LYSMD4: variants seen among roughly 807,000 people sequenced by gnomAD.
LYSMD4 encodes the protein lysM and putative peptidoglycan-binding domain-containing protein 4.
In LYSMD4, 9 loss-of-function variants were observed where a neutral mutation model predicts 6.1. The observed-to-expected ratio is 1.47, with a 90% CI of 0.88 to 2.56. The LOEUF (loss-of-function observed/expected upper bound fraction) is 2.56, where lower values mean the gene tolerates loss of function less well. Ranked by LOEUF, LYSMD4 falls within the 30% of genes most tolerant of loss-of-function variation. LYSMD4 has a pLI of 0.00. For synonymous variants in LYSMD4, 143 were observed against 148.5 expected (o/e 0.96, Z 0.27); for missense variants, 384 against 373.5 (o/e 1.03, Z -0.23).
intron 2 of LYSMD4, chr15:99,731,325 GA>G: frequency 6.2e-7 from 1 of 1,606,044 alleles, no homozygotes; most frequent in Non-Finnish European, 8.5e-7. Context: ...GAAAGGTTCA[GA>G]AAAATAAGAG....
intron 2 of LYSMD4, chr15:99,731,216 G>A (rs774042091): frequency 3.7e-6 from 6 of 1,611,798 alleles, no homozygotes; most frequent in Middle Eastern, 1.7e-4. Flanking sequence ...CATAATTAGA[G>A]AAAAACAGGG....
At position 99,729,194 on chromosome 15, in the gene LYSMD4, G is replaced by T. The variant is rs769660029; in HGVS notation, c.820C>A (p.Leu274Ile). Reference sequence around the variant, plus strand: ...GTGACGGCTGGCACTGCAACTGCTAGTCTGGGGGCTTGCCCTGGAACTGTA... The same window carrying T: ...GTGACGGCTGGCACTGCAACTGCTATTCTGGGGGCTTGCCCTGGAACTGTA... ...MGTVPGQAPR[L>I]AVAVPAVTSA... is the part of the protein sequence containing the mutation. The change falls in exon 3 of 3, where the codon CTA becomes ATA. Residue 274 changes from leucine to isoleucine, a missense_variant. Leu to Ile is a conservative substitution (Grantham distance 5). Coordinates refer to ENST00000684762, the MANE Select transcript of LYSMD4 (RefSeq NM_001284417.2). The T allele has an allele frequency of 1.9e-6, 3 of 1,614,140 alleles. No individual in the cohort carries two copies. In the African/African-American group the frequency reaches 4.0e-5, roughly 22 times the overall value.
chr15:99,731,592 C>T (rs1268078876), intron 2 of LYSMD4, 126 bp downstream of exon 2: 1 of 1,524,424 alleles, frequency 6.6e-7, no homozygotes, highest in Non-Finnish European at 8.8e-7. Flanking sequence ...GAGTCCTTGG[C>T]TGCTACAGCA....
chr15:99,726,832 T>C (rs1437431609), downstream of LYSMD4, among the ~76,000 whole-genome samples: 1 of 152,180 alleles, frequency 6.6e-6, no homozygotes, highest in East Asian at 1.9e-4. Context: ...GGAAGTATCG[T>C]GGTTATTTCT....
rs150607972 is a variant in LYSMD4, at chr15:99,729,333, C to T, written c.681G>A (p.Leu227=). 10 of 1,614,114 alleles carry T rather than the reference C, an allele frequency of 6.2e-6. No individual in the cohort carries two copies. The highest frequency in any genetic ancestry group is 8.5e-6 in the Non-Finnish European group (10 of 1,180,056). ...QWWNAVFIML[L]IGIVLPVFYL... ...AAAAGACAGGCAAGACAATACCAAT[C>T]AGCAGCATGATGAAAACAGCATTCC... Residue 227 remains leucine, a synonymous_variant, in exon 3 of 3, where the codon CTG becomes CTA. Transcript: ENST00000684762.
intron 2 of LYSMD4, 30 bp from the exon 3 acceptor site, chr15:99,729,761 A>T (rs1439032587): frequency 1.3e-6 from 2 of 1,568,266 alleles, no homozygotes; most frequent in Admixed American, 3.7e-5. Context: ...AACATCATAA[A>T]ATATGCGGAG....
exon 1 of LYSMD4, chr15:99,716,757 T>C (rs1465257313): frequency 6.6e-6 from 3 of 452,938 alleles, no homozygotes; most frequent in Non-Finnish European, 1.3e-5. Flanking sequence ...GGGCCTAATC[T>C]GGCTGTTGCA....
At position 99,733,353 on chromosome 15, in the gene LYSMD4, C is replaced by T; in HGVS notation, c.-17G>A. On this transcript the variant is annotated 5_prime_UTR_variant, in exon 1 of 3. Coordinates refer to ENST00000684762, the MANE Select transcript of LYSMD4 (RefSeq NM_001284417.2). ...CGTCCAGGCCCCGGTACCTCAGCGCCCAGGCTCCGCCGCGACCGGCGACCG... is the reference window on the plus strand; with the variant it reads ...CGTCCAGGCCCCGGTACCTCAGCGCTCAGGCTCCGCCGCGACCGGCGACCG... 1 of 394,408 alleles carries T rather than the reference C, an allele frequency of 2.5e-6. No individual in the cohort carries two copies. Among genetic ancestry groups the T allele is most frequent in the Non-Finnish European group, 4.5e-6 (1 of 223,260 alleles). The allele number at this position is 394,408 out of a possible 1,614,324, so 24.4% of individuals were successfully genotyped here.
intron 1 of LYSMD4, 135 bp from the exon 2 acceptor site, chr15:99,732,142 G>GA (rs998050802): frequency 8.5e-5 from 77 of 907,352 alleles, no homozygotes; most frequent in Middle Eastern, 3.6e-4. Context: ...ATCATCAACA[G>GA]AAAAAAAAGA....
In LYSMD4 at chr15:99,729,104, T is replaced by C. The variant is rs6598263; in HGVS notation, c.*19A>G. ...AACAGCCAATTGCTAAAGCTGGGCC[T>C]AGTCTTTAAAAACAAAGCTTAGCTC... On this transcript the variant is annotated 3_prime_UTR_variant, in exon 3 of 3. Transcript: ENST00000684762. 1 of 1,607,764 alleles carries C rather than the reference T, an allele frequency of 6.2e-7. No individual in the cohort carries two copies. The highest frequency in any genetic ancestry group is 1.1e-5 in the South Asian group (1 of 90,974).
rs1018836200 is a variant in LYSMD4 at position 99,729,310 on chromosome 15, AAGAC to A, written c.700_703del (p.Val234PhefsTer18). ...TTGTATTTTAAAGTAGACCAAATAAAAGACAGGCAAGACAATACCAATCAGCAGC... is the reference window on the plus strand; with the variant it reads ...TTGTATTTTAAAGTAGACCAAATAAAAGGCAAGACAATACCAATCAGCAGC... On this transcript the variant is annotated frameshift_variant, in exon 3 of 3. Coordinates refer to ENST00000684762, the MANE Select transcript of LYSMD4 (RefSeq NM_001284417.2). LOFTEE classifies it low-confidence loss of function (END_TRUNC). 6.2e-7 allele frequency: 1 copy of A among 1,614,040 alleles called. No homozygotes were observed. Among genetic ancestry groups the A allele is most frequent in the Admixed American group, 1.7e-5 (1 of 59,998 alleles).
In LYSMD4 at chr15:99,731,844, GC is replaced by G. The variant is rs776651427; in HGVS notation, c.155del (p.Gly52AlafsTer62). 6.8e-6 allele frequency: 11 copies of G among 1,613,252 alleles called. 1 individual carries two copies. In the South Asian group the frequency reaches 1.1e-4, roughly 16 times the overall value. ...GGACACCGCTCTTGTGGCGCTCCTT[GC>G]CCCGGGGCCGCAAAACCACACGGTG... is the stretch of plus-strand genomic sequence containing the variant. ...ESHRVVLRPR[G>X]KERHKSGVHQ... is the part of the protein sequence containing the mutation. On this transcript the variant is annotated frameshift_variant, in exon 2 of 3. Coordinates refer to ENST00000684762, the MANE Select transcript of LYSMD4 (RefSeq NM_001284417.2). LOFTEE classifies it high-confidence loss of function.
chr15:99,729,289 A>G lies in LYSMD4; in HGVS notation c.725T>C (p.Ile242Thr). Reference sequence around the variant, plus strand: ...ATTAGGGGTCTCACCACTAGCTTGTATTTTAAAGTAGACCAAATAAAAGAC... The same window carrying G: ...ATTAGGGGTCTCACCACTAGCTTGTGTTTTAAAGTAGACCAAATAAAAGAC... ...LPVFYLVYFK[I>T]QASGETPNSL... Residue 242 changes from isoleucine to threonine, a missense_variant, in exon 3 of 3, where the codon ATA becomes ACA. Physicochemically the swap from Ile to Thr is moderately conservative, Grantham distance 89. Transcript: ENST00000684762. 6.2e-7 allele frequency: 1 copy of G among 1,614,224 alleles called. No individual in the cohort carries two copies. The highest frequency in any genetic ancestry group is 8.5e-7 in the Non-Finnish European group (1 of 1,180,038).
rs113470119 is a variant in LYSMD4, at chr15:99,716,470, C to T, written c.328G>A (p.Val110Ile). The stretch of plus-strand genomic sequence containing the variant: ...TCTCCCGCACTCACTCCAGTAAAGA[C>T]GGACTGGCTCTTCCTGTGCGTCGAG... The change falls in exon 1 of 1, where the codon GTC becomes ATC. Residue 110 changes from valine (V) to isoleucine (I), a missense_variant. Val to Ile is a conservative substitution (Grantham distance 29). Coordinates refer to the LYSMD4 transcript ENST00000378904. 798 of 456,838 alleles carry T rather than the reference C, an allele frequency of 1.7e-3. 4 individuals carry two copies. Among genetic ancestry groups the T allele is most frequent in the African/African-American group, 0.013 (655 of 50,228 alleles). 28.3% of individuals were successfully genotyped at this position (456,838 alleles called of 1,614,324 possible). A position where few individuals can be genotyped will look rare whatever the true frequency, so the allele number is the denominator to read the frequency against.
At chr15:99,720,183 T>C (rs1317000503), upstream of LYSMD4, among the ~76,000 whole-genome samples, 2 of 152,250 alleles carry the variant, frequency 1.3e-5, no homozygotes, top group Admixed American at 1.3e-4. Context: ...TTGAGTTACA[T>C]TTGGAAATAT....
At chr15:99,730,042 C>A (rs1038455941) in intron 2 of LYSMD4, among the ~76,000 whole-genome samples, 2 of 152,188 alleles carry the variant, frequency 1.3e-5, no homozygotes, top group Non-Finnish European at 2.9e-5. Context: ...TGCAACAAAT[C>A]GCTTTGGGCG....
upstream of LYSMD4, among the ~76,000 whole-genome samples, chr15:99,720,296 T>C (rs73482438): frequency 0.014 from 2,099 of 152,296 alleles, 49 homozygotes; most frequent in African/African-American, 0.046. Context: ...AGTTTGTTCT[T>C]GTATGTGGAT....
Position 99,729,101 on chromosome 15 carries a change from G to A in LYSMD4, c.*22C>T. 1 of 1,608,116 alleles carries A rather than the reference G, an allele frequency of 6.2e-7. No individual in the cohort carries two copies. Among genetic ancestry groups the A allele is most frequent in the Non-Finnish European group, 8.5e-7 (1 of 1,174,984 alleles). On this transcript the variant is annotated 3_prime_UTR_variant, in exon 3 of 3. Transcript: ENST00000684762. ...ATCAACAGCCAATTGCTAAAGCTGGGCCTAGTCTTTAAAAACAAAGCTTAG... is the reference window on the plus strand; with the variant it reads ...ATCAACAGCCAATTGCTAAAGCTGGACCTAGTCTTTAAAAACAAAGCTTAG...
upstream of LYSMD4, among the ~76,000 whole-genome samples, chr15:99,721,303 C>G (rs193075825): frequency 6.6e-6 from 1 of 152,146 alleles, no homozygotes; most frequent in Non-Finnish European, 1.5e-5. Context: ...TTCAAAGAAG[C>G]AGGAGGATTT....
Sources: gnomAD v4.1 joint callset for allele counts (sites outside exome capture counted in the v4.1 genomes callset) on GRCh38, gnomAD v4.1.1 for gene constraint, MANE v1.5 for transcripts, NCBI Gene and HGNC (gene_info 2026-07-23, HGNC 2026-07-21) for gene names.